Variants in SPON2 observed in about 807,000 individuals in gnomAD.
SPON2 encodes the protein spondin-2.
In SPON2, 32 loss-of-function variants were observed where a neutral mutation model predicts 29.9. The observed-to-expected ratio is 1.07, with a 90% confidence interval of 0.81 to 1.44. SPON2 has a LOEUF of 1.44. Ranked by LOEUF, SPON2 falls within the 40% of genes most tolerant of loss-of-function variation. The pLI is 0.00. For synonymous variants in SPON2, 248 were observed against 209.1 expected (o/e 1.19, Z -1.61); for missense variants, 541 against 455.5 (o/e 1.19, Z -1.71).
chr4:1,174,463 G>A (rs1176061989), upstream of SPON2, among the ~76,000 whole-genome samples: 11 of 147,192 alleles, frequency 7.5e-5, no homozygotes, highest in African/African-American at 2.8e-4. Context: ...GTCCAGCCTG[G>A]GCAACAGAGC....
chr4:1,200,571 A>G (rs1026366279), intron 1 of SPON2: 19 of 341,164 alleles, frequency 5.6e-5, no homozygotes, highest in South Asian at 4.4e-4. Context: ...CCATGAGCTC[A>G]CCCCACGGGA....
upstream of SPON2, among the ~76,000 whole-genome samples, chr4:1,175,765 G>A (rs1345264296): frequency 6.6e-6 from 1 of 151,912 alleles, no homozygotes; most frequent in Non-Finnish European, 1.5e-5. Flanking sequence ...GCTTCAGCTA[G>A]GATGTAGGGC....
chr4:1,189,907 T>C (rs1313778101), intron 1 of SPON2, among the ~76,000 whole-genome samples: 1 of 150,030 alleles, frequency 6.7e-6, no homozygotes, highest in East Asian at 2.0e-4. Flanking sequence ...GAGAATGGCT[T>C]GAACCCAGGA....
upstream of SPON2, chr4:1,198,918 A>T (rs1429711384): frequency 3.3e-5 from 5 of 152,120 alleles, no homozygotes; most frequent in Non-Finnish European, 7.4e-5. Flanking sequence ...GGAAAACACA[A>T]ATGTCACAAA....
At chr4:1,194,150 T>A (rs1440477477) in intron 1 of SPON2, among the ~76,000 whole-genome samples, 1 of 152,020 alleles carries the variant, frequency 6.6e-6, no homozygotes, top group African/African-American at 2.4e-5. Flanking sequence ...GCAGTGCCTA[T>A]GGGGAGAGAG....
intron 5 of SPON2, among the ~76,000 whole-genome samples, chr4:1,168,349 A>C (rs558921402): frequency 6.6e-6 from 1 of 152,354 alleles, no homozygotes; most frequent in East Asian, 1.9e-4. Context: ...TCTGCCGTGC[A>C]CGGGAGGACA....
In SPON2 at chr4:1,190,298, C is replaced by A. The variant is rs11947771; in HGVS notation, c.-239+4692G>T. Among the ~76,000 whole-genome samples, 1,190 of 146,954 alleles carry A rather than the reference C, an allele frequency of 8.1e-3. 12 individuals are homozygous for A. Among genetic ancestry groups the A allele is most frequent in the African/African-American group, 0.026 (1,053 of 39,984 alleles). Reference sequence around the variant, plus strand: ...TTGAAGTAGGAAAAAAAAAAACAAACAAAAAAAAACAAACTTCCCACAAAG... The same window carrying A: ...TTGAAGTAGGAAAAAAAAAAACAAAAAAAAAAAAACAAACTTCCCACAAAG... On this transcript the variant is annotated intron_variant, in intron 1 of 3. Coordinates refer to the SPON2 transcript ENST00000502483.
At chr4:1,198,961 A>G (rs1309407683), upstream of SPON2, 1 of 152,196 alleles carries the variant, frequency 6.6e-6, no homozygotes, top group Non-Finnish European at 1.5e-5. Flanking sequence ...TGCTGCTGTC[A>G]TAATTGTCCA....
At chr4:1,191,525 C>T (rs144790832) in intron 1 of SPON2, among the ~76,000 whole-genome samples, 248 of 152,304 alleles carry the variant, frequency 1.6e-3, no homozygotes, top group African/African-American at 3.7e-3. Flanking sequence ...CAGGAGTAGA[C>T]GGACAGGGTT....
In SPON2 at chr4:1,193,413, C is replaced by T. The variant is rs902369824; in HGVS notation, c.-239+1577G>A. Among the ~76,000 whole-genome samples, 4 of 151,568 alleles carry T rather than the reference C, an allele frequency of 2.6e-5. No homozygotes were observed. In the East Asian group the frequency reaches 7.9e-4, roughly 30 times the overall value. ...GGCCTGGCCTCTCTCCAGAGCCCCC[C>T]CAGTCTCAGTGGGCCCCACCCTGGG... On this transcript the variant is annotated intron_variant, in intron 1 of 3. Transcript: ENST00000502483.
At chr4:1,195,398 C>T (rs1056925373), upstream of SPON2, among the ~76,000 whole-genome samples, 1 of 152,116 alleles carries the variant, frequency 6.6e-6, no homozygotes, top group African/African-American at 2.4e-5. Flanking sequence ...GCCCTGGCCC[C>T]CTGCGCCTCA....
At chr4:1,207,261 G>T (rs1027583730) in intron 1 of SPON2, among the ~76,000 whole-genome samples, 1 of 152,148 alleles carries the variant, frequency 6.6e-6, no homozygotes, top group African/African-American at 2.4e-5. Context: ...GCCTGTAGGG[G>T]CTGGGAGGGA....
chr4:1,184,936 CAA>C (rs71168814), intron 1 of SPON2, among the ~76,000 whole-genome samples: 3 of 126,106 alleles, frequency 2.4e-5, no homozygotes, highest in Admixed American at 1.5e-4. Context: ...GACTCTGTCT[CAA>C]AAAAAAAAAA....
Position 1,167,667 on chromosome 4 carries a change from C to A in SPON2, c.812-11G>T, listed in dbSNP as rs778811467. The A allele has an allele frequency of 1.9e-6, 3 of 1,579,608 alleles. No homozygotes were observed. The highest frequency in any genetic ancestry group is 3.6e-5 in the Admixed American group (2 of 56,034). On this transcript the variant is annotated splice_polypyrimidine_tract_variant and intron_variant, in intron 5 of 5. Transcript: ENST00000290902. The stretch of plus-strand genomic sequence containing the variant: ...GCGGCGTTTCTGGAACTGGACCAAG[C>A]AAAGGGGAGACCGAGGTGAACGCTC...
intron 2 of SPON2, among the ~76,000 whole-genome samples, chr4:1,179,176 C>T (rs887173654): frequency 3.3e-5 from 5 of 151,288 alleles, no homozygotes; most frequent in African/African-American, 1.2e-4. Flanking sequence ...GGGACCTTGC[C>T]CGGCTGCTTC....
At chr4:1,174,923 C>T (rs991238600), upstream of SPON2, among the ~76,000 whole-genome samples, 116 of 152,300 alleles carry the variant, frequency 7.6e-4, no homozygotes, top group African/African-American at 2.6e-3. Context: ...CTGCAGCCCT[C>T]GAAAGCCGCC....
upstream of SPON2, among the ~76,000 whole-genome samples, chr4:1,195,781 T>C (rs1576997057): frequency 7.1e-6 from 1 of 140,618 alleles, no homozygotes; most frequent in African/African-American, 2.7e-5. Flanking sequence ...GGACTACAGG[T>C]GTGCACTACC....
At position 1,171,865 on chromosome 4, in the gene SPON2, C is replaced by T. The variant is rs1377595095; in HGVS notation, c.207G>A (p.Trp69Ter). Residue 69 changes from tryptophan (W) to a stop codon, truncating the protein, a stop_gained, in exon 2 of 6, where the codon TGG (tryptophan) becomes TGA (stop). Transcript: ENST00000290902. LOFTEE classifies it high-confidence loss of function. ...QYPLFRPPAQ[W>*]SSLLGAAHSS... ...GGCTGTACTTACCCAGCAGCGAAGACCACTGCGCAGGGGGGCGGAACAGGG... is the reference window on the plus strand; with the variant it reads ...GGCTGTACTTACCCAGCAGCGAAGATCACTGCGCAGGGGGGCGGAACAGGG... 5.6e-6 allele frequency: 9 copies of T among 1,612,242 alleles called. No individual in the cohort carries two copies. The highest frequency in any genetic ancestry group is 7.6e-6 in the Non-Finnish European group (9 of 1,179,394).
At chr4:1,206,119 C>T (rs761309655) in intron 1 of SPON2, among the ~76,000 whole-genome samples, 1 of 152,164 alleles carries the variant, frequency 6.6e-6, no homozygotes, top group Admixed American at 6.5e-5. Context: ...GGGCTGGGGG[C>T]TGTCAGGGTG....
Sources: allele counts gnomAD v4.1 joint callset (sites outside exome capture counted in the v4.1 genomes callset), GRCh38; gene constraint gnomAD v4.1.1; transcripts MANE v1.5; gene names NCBI Gene and HGNC (gene_info 2026-07-23, HGNC 2026-07-21).